PDE4D: variants seen among roughly 807,000 people sequenced by gnomAD.
The protein encoded by PDE4D is phosphodiesterase 4D.
PDE4D carries 24 observed loss-of-function variants against 87.4 expected under a neutral mutation model. That is an observed-to-expected ratio of 0.27 (90% CI 0.20 to 0.39). The LOEUF (loss-of-function observed/expected upper bound fraction) is 0.39. Ranked by LOEUF, PDE4D falls within the 10% of genes least tolerant of loss-of-function variation. The probability of loss-of-function intolerance (pLI) is 1.00; values close to 1 mark genes in which losing one functional copy is unlikely to be tolerated. For missense variants in PDE4D, 714 were observed against 1,041.0 expected, an observed-to-expected ratio of 0.69 and a Z score of 4.32; for synonymous variants, 384 against 383.2, an observed-to-expected ratio of 1.00 and a Z score of -0.02.
chr5:60,429,860 A>G, intron 1 of PDE4D: 2 of 221,238 alleles, frequency 9.0e-6, no homozygotes, highest in South Asian at 9.4e-5. Flanking sequence ...TTTTTTTTTT[A>G]AACAATTTTA....
chr5:59,789,974 G>T (rs1765604154), intron 1 of PDE4D, among the ~76,000 whole-genome samples: 1 of 152,230 alleles, frequency 6.6e-6, no homozygotes, highest in Non-Finnish European at 1.5e-5. Context: ...AGTTCTTTCT[G>T]TACGTTTCTG....
intron 2 of PDE4D, among the ~76,000 whole-genome samples, chr5:60,144,168 A>G (rs148691623): frequency 6.6e-6 from 1 of 152,288 alleles, no homozygotes; most frequent in Non-Finnish European, 1.5e-5. Context: ...TTTTGGTCAC[A>G]TTGGAACTCA....
intron 1 of PDE4D, chr5:59,558,412 G>C (rs1345221247): frequency 6.6e-6 from 1 of 152,016 alleles, no homozygotes; most frequent in Non-Finnish European, 1.5e-5. Flanking sequence ...GAGCCACGCA[G>C]ATAACTGGGT....
intron 1 of PDE4D, among the ~76,000 whole-genome samples, chr5:59,771,295 G>A (rs1458293868): frequency 6.6e-6 from 1 of 151,308 alleles, no homozygotes; most frequent in African/African-American, 2.4e-5. Context: ...GATCTTGGAG[G>A]CTGGAGATAT....
chr5:60,004,102 C>G (rs1764261534), intron 2 of PDE4D, among the ~76,000 whole-genome samples: 1 of 151,986 alleles, frequency 6.6e-6, no homozygotes, highest in Non-Finnish European at 1.5e-5. Flanking sequence ...TGACACTGGT[C>G]TTGGTGATTA....
At chr5:59,548,808 T>C (rs1333296727) in intron 1 of PDE4D, among the ~76,000 whole-genome samples, 4 of 152,100 alleles carry the variant, frequency 2.6e-5, no homozygotes, top group African/African-American at 7.2e-5. Flanking sequence ...GCAGGGTGCA[T>C]GGCAAATTTT....
chr5:59,497,671 C>A (rs1807475724), intron 1 of PDE4D, among the ~76,000 whole-genome samples: 1 of 151,830 alleles, frequency 6.6e-6, no homozygotes, highest in African/African-American at 2.4e-5. Context: ...TTAATAAAAC[C>A]TTCAATAAAT....
chr5:59,869,637 C>T (rs188099726), intron 1 of PDE4D, among the ~76,000 whole-genome samples: 123 of 152,214 alleles, frequency 8.1e-4, no homozygotes, highest in African/African-American at 2.8e-3. Context: ...CATAATGGTT[C>T]GTTTTCTCGT....
intron 1 of PDE4D, among the ~76,000 whole-genome samples, chr5:60,415,772 C>T (rs1742471492): frequency 6.6e-6 from 1 of 152,254 alleles, no homozygotes; most frequent in African/African-American, 2.4e-5. Flanking sequence ...CGCCCAGTCC[C>T]ATCCACTGCC....
intron 3 of PDE4D, chr5:59,987,270 G>C (rs773988875): frequency 2.0e-5 from 3 of 152,176 alleles, no homozygotes; most frequent in Non-Finnish European, 4.4e-5. Context: ...TTCAGGTCAA[G>C]CTGTCATATA....
At chr5:60,431,631 G>A (rs1744318260) in intron 1 of PDE4D, among the ~76,000 whole-genome samples, 1 of 152,018 alleles carries the variant, frequency 6.6e-6, no homozygotes, top group African/African-American at 2.4e-5. Flanking sequence ...CCAGACGATG[G>A]GCGGCCAGGC....
chr5:59,426,423 G>A (rs13160457), intron 1 of PDE4D, among the ~76,000 whole-genome samples: 31,019 of 151,898 alleles, frequency 0.2, 3,661 homozygotes, highest in East Asian at 0.32. Flanking sequence ...CTGGATCTTC[G>A]TACCCTGCTT....
chr5:59,637,232 A>T (rs1832361442), intron 1 of PDE4D, among the ~76,000 whole-genome samples: 1 of 152,208 alleles, frequency 6.6e-6, no homozygotes, highest in African/African-American at 2.4e-5. Context: ...GATCATTAAA[A>T]AGTCAGGAAA....
chr5:59,873,350 T>C (rs946091455), intron 1 of PDE4D, among the ~76,000 whole-genome samples: 2 of 152,144 alleles, frequency 1.3e-5, no homozygotes, highest in Non-Finnish European at 1.5e-5. Flanking sequence ...AAGGCCACAC[T>C]CACATTTTGG....
chr5:60,030,464 AAAAAAAC>A (rs1321469056), intron 2 of PDE4D, among the ~76,000 whole-genome samples: 2 of 150,860 alleles, frequency 1.3e-5, no homozygotes, highest in Non-Finnish European at 3.0e-5. Flanking sequence ...CTCAAAAAAC[AAAAAAAC>A]AAAAAACAAA....
intron 1 of PDE4D, among the ~76,000 whole-genome samples, chr5:60,419,711 A>C (rs1561232512): frequency 6.6e-6 from 1 of 152,212 alleles, no homozygotes; most frequent in African/African-American, 2.4e-5. Flanking sequence ...TTCTGCTTCC[A>C]GCTATGATAG....
chr5:60,033,661 C>A (rs549790958), intron 2 of PDE4D, among the ~76,000 whole-genome samples: 1 of 152,272 alleles, frequency 6.6e-6, no homozygotes, highest in South Asian at 2.1e-4. Flanking sequence ...CTTTTGTTGA[C>A]ACCCTAAGGA....
chr5:60,322,415 C>CAA lies in PDE4D; in HGVS notation c.-89-136730_-89-136729dup, dbSNP rs61139229. 1.2e-4 allele frequency among the ~76,000 whole-genome samples: 17 copies of CAA among 136,282 alleles called. 1 individual carries two copies. Among genetic ancestry groups the CAA allele is most frequent in the African/African-American group, 3.2e-4 (11 of 34,400 alleles). The allele number at this position is 136,282 out of a possible 152,430, so 89.4% of individuals were successfully genotyped here. A position where few individuals can be genotyped will look rare whatever the true frequency, so the allele number is the denominator to read the frequency against. On this transcript the variant is annotated intron_variant, in intron 1 of 16. Transcript: ENST00000502484. ...ACACACACACACACACACACACACA[C>CAA]AAAACCCTAACATATTTCAAACTTT...
At chr5:59,489,536 G>A (rs1354825372) in intron 1 of PDE4D, among the ~76,000 whole-genome samples, 4 of 152,100 alleles carry the variant, frequency 2.6e-5, no homozygotes, top group Admixed American at 1.3e-4. Flanking sequence ...GTATATTAAG[G>A]AAGCCCACTT....
Sources: gnomAD v4.1 joint callset for allele counts (sites outside exome capture counted in the v4.1 genomes callset) on GRCh38, gnomAD v4.1.1 for gene constraint, MANE v1.5 for transcripts, NCBI Gene and HGNC (gene_info 2026-07-23, HGNC 2026-07-21) for gene names.